Variants in WWOX observed in about 807,000 individuals in gnomAD.
WWOX encodes the protein WW domain-containing oxidoreductase.
WWOX carries 69 observed loss-of-function variants against 46.2 expected under a neutral mutation model. The ratio of observed to expected loss-of-function variants is 1.49; its 90% CI spans 1.23 to 1.82. The LOEUF is 1.82. Among genes scored for constraint, WWOX ranks in the 40% most tolerant of loss-of-function variants. The pLI is 0.00. For synonymous variants in WWOX, 359 were observed against 202.6 expected, an observed-to-expected ratio of 1.77 and a Z score of -6.56; for missense variants, 919 against 542.6, an observed-to-expected ratio of 1.69 and a Z score of -6.89.
intron 8 of WWOX, chr16:78,898,220 C>T (rs576081512): frequency 6.6e-6 from 1 of 152,074 alleles, no homozygotes; most frequent in Admixed American, 6.6e-5. Context: ...TTACCAATCA[C>T]CAGGTCACAA....
At chr16:78,528,021 C>G (rs56163755) in intron 8 of WWOX, among the ~76,000 whole-genome samples, 2 of 56,782 alleles carry the variant, frequency 3.5e-5, no homozygotes, top group Non-Finnish European at 6.1e-5. Context: ...TTTTTTGAGA[C>G]GGAGTCTTGC....
intron 8 of WWOX, among the ~76,000 whole-genome samples, chr16:78,511,636 A>G (rs1013136135): frequency 8.5e-5 from 13 of 152,190 alleles, no homozygotes; most frequent in Non-Finnish European, 1.9e-4. Context: ...GAGGTTGCCA[A>G]TAAAGTTTAT....
intron 8 of WWOX, among the ~76,000 whole-genome samples, chr16:79,040,805 G>C (rs920833697): frequency 1.3e-5 from 2 of 151,986 alleles, no homozygotes; most frequent in African/African-American, 4.8e-5. Context: ...TCCTTGTCCG[G>C]AGAGCTCGGG....
At chr16:79,068,582 T>C (rs1035571222) in intron 8 of WWOX, among the ~76,000 whole-genome samples, 2 of 151,636 alleles carry the variant, frequency 1.3e-5, no homozygotes, top group Non-Finnish European at 2.9e-5. Context: ...AGCAGGAGGA[T>C]CACTTGAGCC....
intron 8 of WWOX, among the ~76,000 whole-genome samples, chr16:78,641,066 A>G (rs1052045370): frequency 6.6e-6 from 1 of 152,174 alleles, no homozygotes; most frequent in Non-Finnish European, 1.5e-5. Context: ...AGAACAGCTG[A>G]AACACTCCTC....
intron 8 of WWOX, among the ~76,000 whole-genome samples, chr16:78,661,619 C>G (rs547892442): frequency 8.0e-5 from 11 of 137,706 alleles, no homozygotes; most frequent in Non-Finnish European, 1.5e-4. Context: ...TAATAAATGT[C>G]TCTTGGAAGA....
intron 8 of WWOX, among the ~76,000 whole-genome samples, chr16:78,735,432 T>C (rs1449848346): frequency 4.6e-5 from 5 of 108,884 alleles, no homozygotes; most frequent in Admixed American, 2.7e-4. Flanking sequence ...CACACTAATA[T>C]GGTTCTGATT....
At chr16:78,771,813 A>C (rs1020728729) in intron 8 of WWOX, among the ~76,000 whole-genome samples, 1 of 142,530 alleles carries the variant, frequency 7.0e-6, no homozygotes, top group African/African-American at 2.5e-5. Flanking sequence ...ATAAATAAAT[A>C]AGAGTTGGAT....
rs190637709 is a variant in WWOX at position 78,958,152 on chromosome 16, G to A, written c.1057-253456G>A. On this transcript the variant is annotated intron_variant, in intron 8 of 8. Coordinates refer to ENST00000566780, the MANE Select transcript of WWOX (RefSeq NM_016373.4). ...TCCTTAACTTGCTCATCATTCACAC[G>A]GCGAAGGAAATTCCATTTGGTCCTT... Among the ~76,000 whole-genome samples the A allele has an allele frequency of 2.1e-3, 313 of 152,144 alleles. 2 individuals are homozygous for A. Among genetic ancestry groups the A allele is most frequent in the Admixed American group, 6.5e-3 (100 of 15,278 alleles).
intron 8 of WWOX, among the ~76,000 whole-genome samples, chr16:79,019,558 A>G (rs12925579): frequency 0.4 from 61,061 of 151,914 alleles, 13,098 homozygotes; most frequent in East Asian, 0.56. Context: ...GCCCATGACT[A>G]TCGTCTCTTT....
At chr16:78,452,542 C>G (rs12051154) in intron 8 of WWOX, among the ~76,000 whole-genome samples, 10,503 of 137,746 alleles carry the variant, frequency 0.076, 445 homozygotes, top group East Asian at 0.22. Flanking sequence ...AGTGGCGGAT[C>G]TTGGCTCATT....
At chr16:78,459,917 A>G (rs1044024344) in intron 8 of WWOX, among the ~76,000 whole-genome samples, 2 of 151,120 alleles carry the variant, frequency 1.3e-5, no homozygotes, top group African/African-American at 4.9e-5. Flanking sequence ...TGATCCTCCC[A>G]CCTCAGCCTC....
chr16:78,891,899 T>C (rs2044598800), intron 8 of WWOX: 1 of 152,052 alleles, frequency 6.6e-6, no homozygotes, highest in African/African-American at 2.4e-5. Flanking sequence ...AGGAGCAGAG[T>C]TGGTTTTCCG....
intron 4 of WWOX, among the ~76,000 whole-genome samples, chr16:78,133,181 T>A (rs2033663269): frequency 6.6e-6 from 1 of 152,216 alleles, no homozygotes; most frequent in African/African-American, 2.4e-5. Context: ...CATATTTAAC[T>A]TTTCAAAGGA....
chr16:78,990,201 AAGAG>A (rs201589748), intron 8 of WWOX, among the ~76,000 whole-genome samples: 1,639 of 150,120 alleles, frequency 0.011, 28 homozygotes, highest in African/African-American at 0.033. Context: ...AAAAAAAAAA[AAGAG>A]AGAGAGGTTG....
At chr16:78,402,052 G>C (rs776457687) in intron 6 of WWOX, among the ~76,000 whole-genome samples, 5 of 152,142 alleles carry the variant, frequency 3.3e-5, no homozygotes, top group Non-Finnish European at 4.4e-5. Flanking sequence ...CGTTCACAAA[G>C]TTACGTTACC....
chr16:78,538,433 GCA>G (rs1345636586), intron 8 of WWOX, among the ~76,000 whole-genome samples: 1 of 152,078 alleles, frequency 6.6e-6, no homozygotes, highest in Non-Finnish European at 1.5e-5. Context: ...CCTGGTGTAT[GCA>G]CTTCGGCCAC....
intron 5 of WWOX, among the ~76,000 whole-genome samples, chr16:78,247,424 C>T (rs754357352): frequency 6.6e-6 from 1 of 152,072 alleles, no homozygotes; most frequent in Non-Finnish European, 1.5e-5. Context: ...GCAAAAGATG[C>T]CTCTGGGGAT....
chr16:78,930,813 C>T (rs145139219), intron 8 of WWOX, among the ~76,000 whole-genome samples: 10 of 152,162 alleles, frequency 6.6e-5, no homozygotes, highest in Middle Eastern at 3.4e-3. Flanking sequence ...GCTGAGTACC[C>T]GCTGTTCATA....
Sources: allele counts gnomAD v4.1 joint callset (sites outside exome capture counted in the v4.1 genomes callset), GRCh38; gene constraint gnomAD v4.1.1; transcripts MANE v1.5; gene names NCBI Gene and HGNC (gene_info 2026-07-23, HGNC 2026-07-21).